TM9SF3: variants seen among roughly 807,000 people sequenced by gnomAD.
TM9SF3 encodes the protein transmembrane 9 superfamily member 3.
A neutral mutation model predicts 78.6 loss-of-function variants in TM9SF3; 14 were observed. The ratio of observed to expected loss-of-function variants is 0.18; its 90% CI spans 0.12 to 0.28. The LOEUF (loss-of-function observed/expected upper bound fraction) is 0.28, where lower values mean the gene tolerates loss of function less well. Ranked by LOEUF, TM9SF3 falls within the 10% of genes least tolerant of loss-of-function variation. The pLI, the probability that TM9SF3 is intolerant of heterozygous loss-of-function variation, is 1.00. For missense variants in TM9SF3, 496 were observed against 721.9 expected (o/e 0.69, Z 3.59); for synonymous variants, 231 against 241.7 (o/e 0.96, Z 0.41).
At chr10:96,576,875 A>C (rs146352279) in intron 1 of TM9SF3, 46 bp from the exon 2 acceptor site, 17,079 of 1,374,984 alleles carry the variant, frequency 0.012, 146 homozygotes, top group Non-Finnish European at 0.015. Context: ...AAAACACACT[A>C]ATTCAAATTA....
At position 96,522,112 on chromosome 10, in the gene TM9SF3, A is replaced by G. The variant is rs778296989; in HGVS notation, c.*151T>C. 5.1e-5 allele frequency: 33 copies of G among 642,370 alleles called. No individual in the cohort carries two copies. Among genetic ancestry groups the G allele is most frequent in the Non-Finnish European group, 7.4e-5 (27 of 365,674 alleles). The allele number at this position is 642,370 out of a possible 1,614,324, so 39.8% of individuals were successfully genotyped here. On this transcript the variant is annotated 3_prime_UTR_variant, in exon 15 of 15. Coordinates refer to ENST00000371142, the MANE Select transcript of TM9SF3 (RefSeq NM_020123.4). ...AAGAACCTAGGATCAATGGAAATAG[A>G]TGTTACTTTAAGCCACCGACGAAAG...
chr10:96,533,899 CT>C (rs958225252), intron 9 of TM9SF3, among the ~76,000 whole-genome samples: 2 of 152,172 alleles, frequency 1.3e-5, no homozygotes, highest in African/African-American at 4.8e-5. Context: ...ATTTTTGTGA[CT>C]TTTTTTCTTT....
At chr10:96,584,193 G>T (rs1848605524) in intron 1 of TM9SF3, among the ~76,000 whole-genome samples, 1 of 152,164 alleles carries the variant, frequency 6.6e-6, no homozygotes, top group African/African-American at 2.4e-5. Flanking sequence ...AATTCTACAT[G>T]TATTTACTAA....
At chr10:96,522,936 ATGT>A (rs1316434649) in intron 14 of TM9SF3, among the ~76,000 whole-genome samples, 1 of 151,816 alleles carries the variant, frequency 6.6e-6, no homozygotes, top group Non-Finnish European at 1.5e-5. Context: ...AAGTTTTGAA[ATGT>A]TGTTTTTTAA....
At position 96,518,701 on chromosome 10, in the gene TM9SF3, C is replaced by T. The variant is rs1198915405; in HGVS notation, c.*3562G>A. On this transcript the variant is annotated 3_prime_UTR_variant, in exon 15 of 15. Transcript: ENST00000371142. ...AGGAGAGAACTAGAGTTATTCCTCA[C>T]ACTGAATTTAAGTCTTACCAGATTT... 4.6e-5 allele frequency: 7 copies of T among 152,260 alleles called. No individual in the cohort carries two copies. The highest frequency in any genetic ancestry group is 7.4e-5 in the Non-Finnish European group (5 of 67,980). The allele number at this position is 152,260 out of a possible 1,614,324, so 9.4% of individuals were successfully genotyped here.
At chr10:96,532,396 G>A (rs1433295612) in intron 10 of TM9SF3, among the ~76,000 whole-genome samples, 1 of 145,180 alleles carries the variant, frequency 6.9e-6, no homozygotes, top group Non-Finnish European at 1.6e-5. Context: ...AGAAGGGACA[G>A]AGCAAAATTA....
At chr10:96,532,074 G>A (rs1468385817) in intron 10 of TM9SF3, among the ~76,000 whole-genome samples, 2 of 151,888 alleles carry the variant, frequency 1.3e-5, no homozygotes, top group Non-Finnish European at 2.9e-5. Flanking sequence ...GCCAGGCGTG[G>A]TGGCGGGCAC....
chr10:96,533,243 A>C, intron 9 of TM9SF3, 53 bp from the exon 10 acceptor site: 6 of 1,552,810 alleles, frequency 3.9e-6, no homozygotes, highest in Non-Finnish European at 5.2e-6. Flanking sequence ...ACATTAATAT[A>C]AACAAATAAA....
In TM9SF3 at chr10:96,586,545, C is replaced by CCCGGGAGCGGAGCCCTGTT. The variant is rs1449176403; in HGVS notation, c.102+188_102+189insAACAGGGCTCCGCTCCCGG. ...CTGTCACTCGGGAGCGGAGCCCTGTCCCGGGAGCGCACGGAAATGCCTCCT... is the reference window on the plus strand; with the variant it reads ...CTGTCACTCGGGAGCGGAGCCCTGTCCCGGGAGCGGAGCCCTGTTCCGGGAGCGCACGGAAATGCCTCCT... On this transcript the variant is annotated intron_variant, in intron 1 of 14. Coordinates refer to ENST00000371142, the MANE Select transcript of TM9SF3 (RefSeq NM_020123.4). Among the ~76,000 whole-genome samples, 4 of 152,258 alleles carry CCCGGGAGCGGAGCCCTGTT rather than the reference C, an allele frequency of 2.6e-5. No individual in the cohort carries two copies. In the East Asian group the frequency reaches 7.8e-4, roughly 30 times the overall value.
intron 3 of TM9SF3, among the ~76,000 whole-genome samples, chr10:96,564,718 T>C (rs930886694): frequency 6.6e-6 from 1 of 152,198 alleles, no homozygotes. Context: ...ATCAAACATA[T>C]TGGCCATGAC....
chr10:96,527,399 A>G lies in TM9SF3; in HGVS notation c.1625+14T>C. ...AGTTTCCTAAATAAAAGGTAAAAAA[A>G]TGTCTCCACTTACTTTGTTTTGAAA... is the stretch of plus-strand genomic sequence containing the variant. On this transcript the variant is annotated intron_variant, in intron 13 of 14. Coordinates refer to ENST00000371142, the MANE Select transcript of TM9SF3 (RefSeq NM_020123.4). 4 of 1,601,226 alleles carry G rather than the reference A, an allele frequency of 2.5e-6. No homozygotes were observed. The highest frequency in any genetic ancestry group is 1.1e-5 in the South Asian group (1 of 88,654).
intron 6 of TM9SF3, among the ~76,000 whole-genome samples, chr10:96,552,090 T>C (rs535257006): frequency 1.3e-5 from 2 of 152,196 alleles, no homozygotes; most frequent in East Asian, 3.9e-4. Context: ...AGTTAAGAGG[T>C]ACCAAATGCT....
At chr10:96,560,788 C>A in intron 4 of TM9SF3, 2 of 560,048 alleles carry the variant, frequency 3.6e-6, no homozygotes, top group Admixed American at 1.9e-5. Flanking sequence ...GGAAAAGACT[C>A]AAAACTATCA....
At chr10:96,528,266 T>C in intron 11 of TM9SF3, 89 bp from the exon 12 acceptor site, 1 of 1,323,924 alleles carries the variant, frequency 7.6e-7, no homozygotes, top group Non-Finnish European at 1.0e-6. Flanking sequence ...TAGTTCTCAT[T>C]TTTTTCTCAC....
chr10:96,531,744 T>C (rs1439691580), intron 10 of TM9SF3, among the ~76,000 whole-genome samples: 2 of 152,078 alleles, frequency 1.3e-5, no homozygotes, highest in Non-Finnish European at 2.9e-5. Context: ...CTATACCTAA[T>C]TGCAATGCAT....
intron 2 of TM9SF3, among the ~76,000 whole-genome samples, chr10:96,568,641 TCTC>T (rs1280869426): frequency 6.6e-6 from 1 of 152,178 alleles, no homozygotes; most frequent in Non-Finnish European, 1.5e-5. Flanking sequence ...TTGTTTACTT[TCTC>T]TTTTGATAAC....
rs772128577 is a variant in TM9SF3, at chr10:96,586,783, A to C, written c.53T>G (p.Leu18Arg). 7.8e-7 allele frequency: 1 copy of C among 1,287,624 alleles called. No homozygotes were observed. Among genetic ancestry groups the C allele is most frequent in the Non-Finnish European group, 9.8e-7 (1 of 1,015,530 alleles). The allele number at this position is 1,287,624 out of a possible 1,614,324, so 79.8% of individuals were successfully genotyped here. The change falls in exon 1 of 15, where the codon CTG becomes CGG. Residue 18 changes from leucine to arginine, a missense_variant. Transcript: ENST00000371142. ...LGVAAAAALW[L>R]LLLLLPRTRA... ...GGTCCGGGGCAGCAGCAGCAGCAGC[A>C]GCCACAGCGCGGCGGCCGCCGCCAC...
chr10:96,530,415 T>C (rs918315713), intron 11 of TM9SF3, 125 bp downstream of exon 11: 25 of 745,014 alleles, frequency 3.4e-5, no homozygotes, highest in Non-Finnish European at 5.2e-5. Flanking sequence ...ATTCCCTTTC[T>C]GGAATCATGG....
chr10:96,531,563 A>G (rs1373251307), intron 10 of TM9SF3, among the ~76,000 whole-genome samples: 1 of 152,230 alleles, frequency 6.6e-6, no homozygotes, highest in Non-Finnish European at 1.5e-5. Context: ...GCTGAAAAAA[A>G]AACTTAAAAA....
Sources: gnomAD v4.1 joint callset for allele counts (sites outside exome capture counted in the v4.1 genomes callset) on GRCh38, gnomAD v4.1.1 for gene constraint, MANE v1.5 for transcripts, NCBI Gene and HGNC (gene_info 2026-07-23, HGNC 2026-07-21) for gene names.